The following ABR variants were observed in gnomAD, a reference collection of about 807,000 sequenced individuals.
The protein encoded by ABR is active breakpoint cluster region-related protein.
Under a neutral mutation model 107.2 loss-of-function variants are expected in ABR, and 35 were observed. The ratio of observed to expected loss-of-function variants is 0.33; its 90% CI spans 0.25 to 0.43. The LOEUF (loss-of-function observed/expected upper bound fraction) is 0.43, where lower values mean the gene tolerates loss of function less well. Among genes scored for constraint, ABR ranks in the 20% least tolerant of loss-of-function variants. The pLI, the probability that ABR is intolerant of heterozygous loss-of-function variation, is 1.00. For synonymous variants in ABR, 498 were observed against 462.0 expected, an observed-to-expected ratio of 1.08 and a Z score of -1.00; for missense variants, 815 against 1,115.2, an observed-to-expected ratio of 0.73 and a Z score of 3.83.
intron 1 of ABR, among the ~76,000 whole-genome samples, chr17:1,206,238 T>C (rs1366748951): frequency 2.6e-5 from 4 of 152,202 alleles, no homozygotes; most frequent in African/African-American, 9.6e-5. Flanking sequence ...TGTGATGGGT[T>C]AGACACTGAT....
upstream of ABR, among the ~76,000 whole-genome samples, chr17:1,181,150 C>T (rs572518290): frequency 6.6e-6 from 1 of 152,190 alleles, no homozygotes; most frequent in African/African-American, 2.4e-5. Context: ...GCAGTGTGGT[C>T]GGCACCCGCA....
intron 2 of ABR, 123 bp from the exon 3 acceptor site, chr17:1,100,858 C>T (rs1202644098): frequency 4.4e-6 from 4 of 919,480 alleles, no homozygotes; most frequent in Non-Finnish European, 6.8e-6. Context: ...AAGTCTCGCT[C>T]TGTCACCTAG....
chr17:1,167,939 G>A (rs2041575834), intron 1 of ABR, among the ~76,000 whole-genome samples: 3 of 152,284 alleles, frequency 2.0e-5, no homozygotes, highest in South Asian at 4.1e-4. Flanking sequence ...GATCACTTGA[G>A]GTCAGGAGTT....
intron 16 of ABR, among the ~76,000 whole-genome samples, chr17:1,018,608 G>C (rs1040888842): frequency 6.6e-6 from 1 of 152,140 alleles, no homozygotes; most frequent in Admixed American, 6.5e-5. Flanking sequence ...AACCTGGTCG[G>C]GGGGAGTGTG....
At chr17:1,118,334 G>GT (rs71312916) in intron 2 of ABR, among the ~76,000 whole-genome samples, 12 of 23,774 alleles carry the variant, frequency 5.0e-4, no homozygotes, top group East Asian at 8.4e-4. Context: ...CTGAGCCTGA[G>GT]TCCTCCCAGC....
chr17:1,049,960 G>C (rs115221204), intron 16 of ABR, 90 bp downstream of exon 16: 2 of 1,499,676 alleles, frequency 1.3e-6, no homozygotes, highest in East Asian at 2.3e-5. Flanking sequence ...CCAAAATCAC[G>C]AAAGAGCAGG....
chr17:1,183,014 G>T (rs12051626), upstream of ABR, among the ~76,000 whole-genome samples: 1 of 152,230 alleles, frequency 6.6e-6, no homozygotes, highest in East Asian at 1.9e-4. Flanking sequence ...CTGAGGAGTT[G>T]GGGAGATCCA....
chr17:1,105,336 C>A (rs2038174553), intron 2 of ABR, among the ~76,000 whole-genome samples: 1 of 152,102 alleles, frequency 6.6e-6, no homozygotes. Flanking sequence ...TCTTACCCTA[C>A]ACGTATTTGA....
chr17:1,087,241 A>C (rs2036653815), intron 4 of ABR, among the ~76,000 whole-genome samples: 2 of 151,498 alleles, frequency 1.3e-5, no homozygotes, highest in Non-Finnish European at 1.5e-5. Flanking sequence ...GCTGCTGTGG[A>C]CCCCCACCCC....
intron 1 of ABR, among the ~76,000 whole-genome samples, chr17:1,220,310 G>A (rs1444188782): frequency 6.6e-6 from 1 of 151,624 alleles, no homozygotes; most frequent in Non-Finnish European, 1.5e-5. Context: ...AAAATTTAAA[G>A]TAATCATTTT....
At chr17:1,142,945 C>T (rs2040351068) in intron 1 of ABR, among the ~76,000 whole-genome samples, 1 of 151,316 alleles carries the variant, frequency 6.6e-6, no homozygotes, top group Admixed American at 6.6e-5. Context: ...TGTGGGGCAG[C>T]TCACTCCTGG....
At chr17:1,109,033 G>A (rs1321666510) in intron 2 of ABR, 1 of 1,598,534 alleles carries the variant, frequency 6.3e-7, no homozygotes, top group East Asian at 2.3e-5. Context: ...CCAGAACCTT[G>A]TCCAGCAAGC....
intron 1 of ABR, among the ~76,000 whole-genome samples, chr17:1,140,639 GTGGT>G (rs2040249037): frequency 6.6e-6 from 1 of 152,088 alleles, no homozygotes; most frequent in African/African-American, 2.4e-5. Context: ...CTGGAGTGCA[GTGGT>G]GGGATCTCAG....
intron 10 of ABR, among the ~76,000 whole-genome samples, chr17:1,062,622 T>C (rs1480487684): frequency 6.9e-6 from 1 of 144,226 alleles, no homozygotes; most frequent in African/African-American, 2.5e-5. Flanking sequence ...GACACTGTTG[T>C]TATGTGAACT....
intron 1 of ABR, among the ~76,000 whole-genome samples, chr17:1,217,429 G>T (rs527356051): frequency 4.6e-5 from 7 of 152,240 alleles, no homozygotes; most frequent in Non-Finnish European, 1.0e-4. Context: ...TAACAGTGGG[G>T]ATAATCATAA....
intron 2 of ABR, among the ~76,000 whole-genome samples, chr17:1,109,446 G>A (rs1368776346): frequency 6.6e-6 from 1 of 151,994 alleles, no homozygotes; most frequent in Non-Finnish European, 1.5e-5. Context: ...CACAGGAAAC[G>A]CGCGTCGCGA....
rs545448139 is a variant in ABR, at chr17:1,037,689, G to A, written c.1791+12361C>T. Among the ~76,000 whole-genome samples, 4 of 152,246 alleles carry A rather than the reference G, an allele frequency of 2.6e-5. No individual in the cohort carries two copies. Among genetic ancestry groups the A allele is most frequent in the East Asian group, 1.9e-4 (1 of 5,166 alleles). On this transcript the variant is annotated intron_variant, in intron 16 of 22. Coordinates refer to ENST00000302538, the MANE Select transcript of ABR (RefSeq NM_021962.5). This position sits in a 1 kb window ranked among gnomAD's most constrained non-coding sequence, Gnocchi z 4.6. ...CTCCCGGGAAGGAGGGGGTGTGGCC[G>A]GGTCTCCCAGCACAGCCATAAATTG...
intron 16 of ABR, among the ~76,000 whole-genome samples, chr17:1,049,563 C>G (rs1334709287): frequency 6.6e-6 from 1 of 152,168 alleles, no homozygotes; most frequent in South Asian, 2.1e-4. Flanking sequence ...GGTCCGGCCA[C>G]CCTAACAACA....
chr17:1,100,831 AT>A (rs915084311), intron 2 of ABR, 96 bp from the exon 3 acceptor site: 4,640 of 1,043,386 alleles, frequency 4.4e-3, no homozygotes, highest in South Asian at 6.9e-3. Context: ...CCCGACCTTT[AT>A]TTTTTTTTTG....
Sources: allele counts gnomAD v4.1 joint callset (sites outside exome capture counted in the v4.1 genomes callset), GRCh38; gene constraint gnomAD v4.1.1; non-coding constraint Gnocchi (gnomAD v3.1); transcripts MANE v1.5; gene names NCBI Gene and HGNC (gene_info 2026-07-23, HGNC 2026-07-21).